CELF2: variants seen among roughly 807,000 people sequenced by gnomAD.
CELF2 encodes CUGBP Elav-like family member 2, also known as CUG triplet repeat RNA-binding protein 2.
CELF2 carries 8 observed loss-of-function variants against 62.6 expected under a neutral mutation model. That is an observed-to-expected ratio of 0.13 (90% confidence interval 0.07 to 0.23). The LOEUF is 0.23. CELF2 is among the 10% of genes least tolerant of loss of function. The pLI is 1.00. For synonymous variants in CELF2, 258 were observed against 250.0 expected (o/e 1.03, Z -0.30); for missense variants, 333 against 671.0 (o/e 0.50, Z 5.56).
intron 1 of CELF2, among the ~76,000 whole-genome samples, chr10:10,908,214 A>AATTTTTTT (rs2063501269): frequency 1.2e-5 from 1 of 83,738 alleles, no homozygotes. Flanking sequence ...GTATGAGGGG[A>AATTTTTTT]TTTTTTTTTT....
the CELF2 span, among the ~76,000 whole-genome samples, chr10:10,609,151 A>G: frequency 1.4e-3 from 210 of 152,304 alleles, 1 homozygote; most frequent in African/African-American, 4.8e-3. Flanking sequence ...TGTCATGCCT[A>G]TATTCCAGGT....
chr10:10,965,545 G>A, intron 2 of CELF2, among the ~76,000 whole-genome samples: 1 of 152,172 alleles, frequency 6.6e-6, no homozygotes, highest in East Asian at 1.9e-4. Context: ...ATGGAATGAG[G>A]CTGAAATCTG....
chr10:10,488,568 T>G, the CELF2 span, among the ~76,000 whole-genome samples: 9 of 152,144 alleles, frequency 5.9e-5, no homozygotes, highest in African/African-American at 2.2e-4. Context: ...TGTATTTTAC[T>G]AATATCTTCC....
chr10:11,239,699 C>A (rs2073054678), intron 3 of CELF2, among the ~76,000 whole-genome samples: 1 of 152,096 alleles, frequency 6.6e-6, no homozygotes, highest in African/African-American at 2.4e-5. Flanking sequence ...TTACCAAACT[C>A]AAATCCACTT....
At chr10:10,794,829 G>T (rs2131391863), upstream of CELF2, 1 of 152,262 alleles carries the variant, frequency 6.6e-6, no homozygotes, top group South Asian at 2.1e-4. Context: ...TCAACCACAT[G>T]AAAGCCCACC....
intron 3 of CELF2, among the ~76,000 whole-genome samples, chr10:11,239,455 T>C (rs1454952033): frequency 1.3e-5 from 2 of 152,154 alleles, no homozygotes; most frequent in Non-Finnish European, 2.9e-5. Context: ...TCTCTTAGCT[T>C]TCAGATGGGA....
At chr10:11,169,668 G>A (rs673338) in intron 2 of CELF2, among the ~76,000 whole-genome samples, 1,637 of 152,244 alleles carry the variant, frequency 0.011, 23 homozygotes, top group African/African-American at 0.027. Flanking sequence ...TTAGACTCTC[G>A]AGACTCTAGG....
chr10:11,147,264 G>A (rs1034545469), intron 1 of CELF2, among the ~76,000 whole-genome samples: 1 of 152,128 alleles, frequency 6.6e-6, no homozygotes, highest in Non-Finnish European at 1.5e-5. Context: ...TTTGGGAAAA[G>A]GAATCATACT....
chr10:10,550,051 C>T, the CELF2 span, among the ~76,000 whole-genome samples: 2 of 152,252 alleles, frequency 1.3e-5, no homozygotes, highest in African/African-American at 2.4e-5. Flanking sequence ...ATTGAAAATC[C>T]ATGTATAATT....
intron 3 of CELF2, among the ~76,000 whole-genome samples, chr10:11,241,685 A>T (rs1307192465): frequency 6.6e-6 from 1 of 151,940 alleles, no homozygotes; most frequent in Non-Finnish European, 1.5e-5. Flanking sequence ...GCTATTTTTG[A>T]TTATTCCCCA....
intron 2 of CELF2, among the ~76,000 whole-genome samples, chr10:10,943,011 G>T (rs916115725): frequency 6.6e-6 from 1 of 152,158 alleles, no homozygotes; most frequent in Non-Finnish European, 1.5e-5. Flanking sequence ...CCAACAAGCC[G>T]GGATGCCCAT....
chr10:11,049,991 C>T (rs1394978846), intron 1 of CELF2, among the ~76,000 whole-genome samples: 1 of 152,222 alleles, frequency 6.6e-6, no homozygotes, highest in Non-Finnish European at 1.5e-5. Context: ...GCTGGTTCCA[C>T]ATGCCACCTG....
At chr10:10,746,876 T>C in the CELF2 span, among the ~76,000 whole-genome samples, 1 of 152,228 alleles carries the variant, frequency 6.6e-6, no homozygotes, top group African/African-American at 2.4e-5. Context: ...ATCATATGCC[T>C]TCGCAGTTTT....
At chr10:10,517,224 A>T in the CELF2 span, among the ~76,000 whole-genome samples, 1 of 152,132 alleles carries the variant, frequency 6.6e-6, no homozygotes, top group Non-Finnish European at 1.5e-5. Context: ...CTATAGCTTG[A>T]GGGGGACTCA....
At chr10:11,085,288 T>G (rs1478173251) in intron 1 of CELF2, among the ~76,000 whole-genome samples, 1 of 152,224 alleles carries the variant, frequency 6.6e-6, no homozygotes, top group Non-Finnish European at 1.5e-5. Flanking sequence ...CAGCACATCA[T>G]TGTTCAGTGG....
chr10:11,193,743 C>A (rs552301976), intron 2 of CELF2, among the ~76,000 whole-genome samples: 1 of 152,288 alleles, frequency 6.6e-6, no homozygotes, highest in Admixed American at 6.5e-5. Context: ...AGAATGTGAT[C>A]TTTGAAGACT....
At chr10:11,091,648 G>A (rs1056037468) in intron 1 of CELF2, among the ~76,000 whole-genome samples, 7 of 152,190 alleles carry the variant, frequency 4.6e-5, no homozygotes, top group Admixed American at 3.3e-4. Flanking sequence ...AGATGGAGGC[G>A]AACCCGAATT....
At chr10:10,621,415 A>G in the CELF2 span, among the ~76,000 whole-genome samples, 3 of 152,172 alleles carry the variant, frequency 2.0e-5, no homozygotes, top group Non-Finnish European at 4.4e-5. Flanking sequence ...TTTGAAGAAC[A>G]GTTGAGTTTT....
Position 11,190,616 on chromosome 10 carries a change from TA to T in CELF2, c.271+24947del, listed in dbSNP as rs969616995. On this transcript the variant is annotated intron_variant, in intron 2 of 12. Coordinates refer to ENST00000633077, the MANE Select transcript of CELF2 (RefSeq NM_001326342.2). ...AAGATTCTCAAAGGAATTGTTCTTT[TA>T]AAAAAAAAAAAATTCACAAAGTAGG... Among the ~76,000 whole-genome samples the T allele has an allele frequency of 8.0e-3, 1,170 of 146,282 alleles. 10 individuals carry two copies. The highest frequency in any genetic ancestry group is 0.016 in the African/African-American group (637 of 38,968).
Sources: allele counts gnomAD v4.1 joint callset (sites outside exome capture counted in the v4.1 genomes callset), GRCh38; gene constraint gnomAD v4.1.1; transcripts MANE v1.5; gene names NCBI Gene and HGNC (gene_info 2026-07-23, HGNC 2026-07-21).